The following YTHDF2 variants were observed in gnomAD, a reference collection of about 807,000 sequenced individuals.
The protein encoded by YTHDF2 is YTH domain-containing family protein 2.
Under a neutral mutation model 50.4 loss-of-function variants are expected in YTHDF2, and 2 were observed. That is an observed-to-expected ratio of 0.04 (90% CI 0.02 to 0.12). The LOEUF is 0.12. Among genes scored for constraint, YTHDF2 ranks in the 10% least tolerant of loss-of-function variants. The pLI is 1.00. For missense variants in YTHDF2, 483 were observed against 722.6 expected (o/e 0.67, Z 3.80); for synonymous variants, 217 against 255.6 (o/e 0.85, Z 1.44).
chr1:28,754,412 C>T (rs183185423), intron 4 of YTHDF2, among the ~76,000 whole-genome samples: 1 of 152,234 alleles, frequency 6.6e-6, no homozygotes, highest in African/African-American at 2.4e-5. Context: ...CGCCTGTAGT[C>T]CCAGCTACTC....
At chr1:28,740,072 C>G (rs2087752933) in intron 3 of YTHDF2, among the ~76,000 whole-genome samples, 1 of 152,100 alleles carries the variant, frequency 6.6e-6, no homozygotes, top group African/African-American at 2.4e-5. Flanking sequence ...GTAAAATTTT[C>G]AACACTGAAA....
chr1:28,758,032 C>G (rs2124196661), intron 4 of YTHDF2, among the ~76,000 whole-genome samples: 1 of 152,228 alleles, frequency 6.6e-6, no homozygotes, highest in East Asian at 1.9e-4. Flanking sequence ...TAGATCACTA[C>G]CTAGGAAGTA....
chr1:28,746,396 C>CT (rs1332943596), intron 4 of YTHDF2, among the ~76,000 whole-genome samples: 8 of 152,052 alleles, frequency 5.3e-5, no homozygotes, highest in Admixed American at 2.0e-4. Flanking sequence ...GGGTGATTTT[C>CT]TTTTCAATTT....
chr1:28,755,181 G>A (rs2088018523), intron 4 of YTHDF2, among the ~76,000 whole-genome samples: 1 of 152,148 alleles, frequency 6.6e-6, no homozygotes, highest in African/African-American at 2.4e-5. Context: ...ATTTGGGGTT[G>A]TATTGGCTTT....
chr1:28,763,884 C>G (rs1570481114), intron 4 of YTHDF2, among the ~76,000 whole-genome samples: 1 of 140,770 alleles, frequency 7.1e-6, no homozygotes, highest in East Asian at 2.0e-4. Flanking sequence ...TTTTTTTTTC[C>G]TATTATATAT....
chr1:28,759,991 A>T (rs139490801), intron 4 of YTHDF2, among the ~76,000 whole-genome samples: 3 of 152,144 alleles, frequency 2.0e-5, no homozygotes, highest in African/African-American at 7.2e-5. Flanking sequence ...CATTTTTAAC[A>T]TCTTTTTAAA....
intron 4 of YTHDF2, among the ~76,000 whole-genome samples, chr1:28,768,714 T>C (rs150939296): frequency 3.9e-4 from 59 of 152,292 alleles, no homozygotes; most frequent in African/African-American, 1.4e-3. Flanking sequence ...GTAATGAATT[T>C]TCAAGTCAAA....
chr1:28,742,338 G>C, intron 3 of YTHDF2, 65 bp from the exon 4 acceptor site: 2 of 1,507,556 alleles, frequency 1.3e-6, no homozygotes, highest in Non-Finnish European at 1.8e-6. Context: ...GTGACTAGGT[G>C]GGGGGAGGAA....
intron 4 of YTHDF2, among the ~76,000 whole-genome samples, chr1:28,753,950 G>C (rs903314545): frequency 3.3e-5 from 5 of 152,020 alleles, no homozygotes; most frequent in African/African-American, 1.2e-4. Flanking sequence ...CAGGTGATCT[G>C]CCTGCCTTGG....
intron 4 of YTHDF2, among the ~76,000 whole-genome samples, chr1:28,754,696 C>CA (rs2088010207): frequency 6.6e-6 from 1 of 151,924 alleles, no homozygotes; most frequent in African/African-American, 2.4e-5. Context: ...TGCCTGTATT[C>CA]AGGGGGCTGG....
At chr1:28,737,711 G>A (rs1256178518) in intron 2 of YTHDF2, 29 bp downstream of exon 2, 1 of 1,612,478 alleles carries the variant, frequency 6.2e-7, no homozygotes, top group Admixed American at 1.7e-5. Flanking sequence ...GTGGCCCTGA[G>A]CCGGGAGGGG....
chr1:28,768,635 C>T (rs75283802), intron 4 of YTHDF2, among the ~76,000 whole-genome samples: 1 of 152,098 alleles, frequency 6.6e-6, no homozygotes, highest in Non-Finnish European at 1.5e-5. Context: ...TGGGTTACTT[C>T]CATTAGGCCC....
At chr1:28,756,577 A>G (rs577503710) in intron 4 of YTHDF2, among the ~76,000 whole-genome samples, 1 of 152,244 alleles carries the variant, frequency 6.6e-6, no homozygotes, top group South Asian at 2.1e-4. Context: ...GCATAATTTG[A>G]AACACACTAG....
intron 4 of YTHDF2, among the ~76,000 whole-genome samples, chr1:28,752,140 A>G (rs1413930038): frequency 1.4e-4 from 22 of 152,220 alleles, no homozygotes; most frequent in Admixed American, 1.4e-3. Context: ...GCTTTCAAGA[A>G]TACCTTTCTG....
chr1:28,738,392 C>T lies in YTHDF2; in HGVS notation c.132+54C>T, dbSNP rs1176222899. The T allele has an allele frequency of 1.2e-5, 16 of 1,357,504 alleles. No individual in the cohort carries two copies. In the Admixed American group the frequency reaches 1.9e-4, roughly 16 times the overall value. The allele number at this position is 1,357,504 out of a possible 1,614,324, so 84.1% of individuals were successfully genotyped here. On this transcript the variant is annotated intron_variant, in intron 3 of 4. Coordinates refer to ENST00000373812, the MANE Select transcript of YTHDF2 (RefSeq NM_016258.3). ...TCGAAGGGTGTGGTATATTCTTTCTCCGCCTTCTACCAATAAATCCCATTT... is the reference window on the plus strand; with the variant it reads ...TCGAAGGGTGTGGTATATTCTTTCTTCGCCTTCTACCAATAAATCCCATTT...
In YTHDF2 at chr1:28,743,021, C is replaced by T; in HGVS notation, c.751C>T (p.Pro251Ser). Residue 251 changes from proline (P) to serine (S), a missense_variant, in exon 4 of 5, where the codon CCT becomes TCT. Physicochemically the swap from Pro to Ser is moderately conservative, Grantham distance 74 (BLOSUM62 -1). Around this residue, in one of 4 missense-constraint regions of YTHDF2, gnomAD observed 385 missense variants for 475.8 expected, o/e 0.81. Coordinates refer to ENST00000373812, the MANE Select transcript of YTHDF2 (RefSeq NM_016258.3). The surrounding 1 kb of genome is among the most constrained non-coding windows in gnomAD (Gnocchi z 6.9). ...DIASKPAKQQ[P>S]KLKTKNGIAG... ...TGCTAGCAAGCCTGCAAAACAGCAA[C>T]CTAAACTGAAGACCAAGAATGGCAT... 6.2e-7 allele frequency: 1 copy of T among 1,614,184 alleles called. No individual in the cohort carries two copies. The highest frequency in any genetic ancestry group is 8.5e-7 in the Non-Finnish European group (1 of 1,180,050).
rs749991324 is a variant in YTHDF2, at chr1:28,743,716, T to C, written c.1446T>C (p.Cys482=). The C allele has an allele frequency of 6.2e-7, 1 of 1,614,178 alleles. No homozygotes were observed. The highest frequency in any genetic ancestry group is 2.2e-5 in the East Asian group (1 of 44,880). Residue 482 remains cysteine (C), a synonymous_variant, in exon 4 of 5, where the codon TGT becomes TGC. Transcript: ENST00000373812. The surrounding 1 kb of genome is among the most constrained non-coding windows in gnomAD (Gnocchi z 6.9). ...AATCTGCTGTGGACTACAACACATG[T>C]GCAGGTGTGTGGTCCCAGGACAAAT... ...EMKSAVDYNT[C]AGVWSQDKWK...
At chr1:28,761,352 G>C (rs897596488) in intron 4 of YTHDF2, among the ~76,000 whole-genome samples, 1 of 152,068 alleles carries the variant, frequency 6.6e-6, no homozygotes, top group Admixed American at 6.6e-5. Flanking sequence ...TGCCCAGGCT[G>C]TTCTTGAATT....
intron 4 of YTHDF2, among the ~76,000 whole-genome samples, chr1:28,761,997 C>G (rs1285241230): frequency 1.3e-5 from 2 of 152,080 alleles, no homozygotes; most frequent in Non-Finnish European, 2.9e-5. Flanking sequence ...AGTCATTAGA[C>G]TTATTTAACT....
Sources: gnomAD v4.1 joint callset for allele counts (sites outside exome capture counted in the v4.1 genomes callset) on GRCh38, gnomAD v4.1.1 for gene constraint, gnomAD v4.1.1 regional missense constraint, Gnocchi (gnomAD v3.1) non-coding constraint, MANE v1.5 for transcripts, NCBI Gene and HGNC (gene_info 2026-07-23, HGNC 2026-07-21) for gene names.